Variants in COLGALT2 observed in about 807,000 individuals in gnomAD.
COLGALT2 encodes collagen beta(1-O)galactosyltransferase 2.
In COLGALT2, 49 loss-of-function variants were observed where a neutral mutation model predicts 73.4. The observed-to-expected ratio is 0.67, with a 90% confidence interval of 0.53 to 0.85. The LOEUF (loss-of-function observed/expected upper bound fraction) is 0.85, where lower values mean the gene tolerates loss of function less well. Ranked by LOEUF, COLGALT2 falls within the 40% of genes least tolerant of loss-of-function variation. COLGALT2 has a pLI of 0.00. For missense variants in COLGALT2, 722 were observed against 790.2 expected (o/e 0.91, Z 1.03); for synonymous variants, 295 against 307.6 (o/e 0.96, Z 0.43).
intron 7 of COLGALT2, among the ~76,000 whole-genome samples, chr1:183,954,486 T>C (rs1170788083): frequency 6.6e-6 from 1 of 152,250 alleles, no homozygotes; most frequent in Admixed American, 6.5e-5. Flanking sequence ...AATATCACAA[T>C]ATCTGCTCCT....
chr1:183,947,333 AT>A (rs1670279455), intron 8 of COLGALT2, among the ~76,000 whole-genome samples: 1 of 152,202 alleles, frequency 6.6e-6, no homozygotes, highest in Admixed American at 6.5e-5. Flanking sequence ...AAGAAATACC[AT>A]TTTTTAGACC....
intron 6 of COLGALT2, among the ~76,000 whole-genome samples, chr1:183,958,825 T>A (rs1385016682): frequency 1.3e-5 from 2 of 151,324 alleles, no homozygotes; most frequent in Admixed American, 6.6e-5. Context: ...TGGATCCTTG[T>A]GACTGGCATA....
At chr1:184,017,113 G>C (rs1273382607) in intron 1 of COLGALT2, among the ~76,000 whole-genome samples, 5 of 152,210 alleles carry the variant, frequency 3.3e-5, no homozygotes, top group African/African-American at 1.2e-4. Flanking sequence ...GTGCTGTAAT[G>C]TATAAAATGT....
At chr1:183,953,050 G>C (rs1670442497) in intron 7 of COLGALT2, among the ~76,000 whole-genome samples, 1 of 152,194 alleles carries the variant, frequency 6.6e-6, no homozygotes, top group African/African-American at 2.4e-5. Context: ...CCCAAAAACA[G>C]AGACCTCCAG....
intron 1 of COLGALT2, among the ~76,000 whole-genome samples, chr1:183,997,901 G>C (rs1202814520): frequency 6.6e-6 from 1 of 152,128 alleles, no homozygotes; most frequent in African/African-American, 2.4e-5. Context: ...ATAATTTAGT[G>C]ATCTATTTGA....
intron 2 of COLGALT2, 50 bp from the exon 3 acceptor site, chr1:183,975,264 GCT>G: frequency 1.7e-6 from 2 of 1,147,870 alleles, no homozygotes; most frequent in Non-Finnish European, 2.6e-6. Flanking sequence ...CATGTACCAG[GCT>G]CTGTCCTAAA....
chr1:183,973,257 T>C (rs974384265), intron 4 of COLGALT2, among the ~76,000 whole-genome samples: 1 of 152,146 alleles, frequency 6.6e-6, no homozygotes, highest in African/African-American at 2.4e-5. Context: ...GTCTTGTTGG[T>C]TTTCTTTTAA....
intron 7 of COLGALT2, among the ~76,000 whole-genome samples, chr1:183,953,586 C>CTACAGT (rs1191811249): frequency 2.0e-5 from 3 of 152,160 alleles, no homozygotes; most frequent in African/African-American, 7.2e-5. Context: ...GCTACAGTAA[C>CTACAGT]ATGTGGAAGC....
chr1:183,946,553 G>A (rs988463041), intron 8 of COLGALT2: 2 of 152,134 alleles, frequency 1.3e-5, no homozygotes, highest in Admixed American at 1.3e-4. Flanking sequence ...ACAACCATGT[G>A]GTATCTATAA....
intron 1 of COLGALT2, among the ~76,000 whole-genome samples, chr1:184,036,007 G>A (rs1053007889): frequency 6.6e-6 from 1 of 152,070 alleles, no homozygotes; most frequent in Non-Finnish European, 1.5e-5. Flanking sequence ...TCCTCTCTTT[G>A]CCCAACCGCT....
At position 184,037,479 on chromosome 1, in the gene COLGALT2, C is replaced by T; in HGVS notation, c.-122G>A. 8.5e-7 allele frequency: 1 copy of T among 1,183,074 alleles called. No homozygotes were observed. The highest frequency in any genetic ancestry group is 1.0e-6 in the Non-Finnish European group (1 of 958,292). 73.3% of individuals were successfully genotyped at this position (1,183,074 alleles called of 1,614,324 possible). On this transcript the variant is annotated 5_prime_UTR_variant, in exon 1 of 12. Coordinates refer to ENST00000361927, the MANE Select transcript of COLGALT2 (RefSeq NM_015101.4). ...AGGGGCGGCCGGGGGATGCGGCTTG[C>T]CGCGGCCGGCCGGCTCACACACTGG...
At chr1:183,965,014 G>A (rs1290068199) in intron 5 of COLGALT2, among the ~76,000 whole-genome samples, 1 of 152,196 alleles carries the variant, frequency 6.6e-6, no homozygotes, top group African/African-American at 2.4e-5. Context: ...TACATCATCT[G>A]TCAAATCAGG....
At chr1:184,026,342 T>C (rs985802904) in intron 1 of COLGALT2, among the ~76,000 whole-genome samples, 9 of 152,134 alleles carry the variant, frequency 5.9e-5, no homozygotes, top group Non-Finnish European at 1.2e-4. Flanking sequence ...ATAAAGTGGA[T>C]GCATAAACTT....
chr1:183,962,167 T>C (rs1670726831), intron 6 of COLGALT2, among the ~76,000 whole-genome samples: 1 of 135,654 alleles, frequency 7.4e-6, no homozygotes, highest in African/African-American at 2.8e-5. Context: ...TTTTTTTTTT[T>C]TTTTTTTTTT....
In COLGALT2 at chr1:183,935,948, A is replaced by T. The variant is rs1264840396; in HGVS notation, c.*2813T>A. 2 of 985,172 alleles carry T rather than the reference A, an allele frequency of 2.0e-6. No individual in the cohort carries two copies. The highest frequency in any genetic ancestry group is 2.4e-6 in the Non-Finnish European group (2 of 829,928). 61.0% of individuals were successfully genotyped at this position (985,172 alleles called of 1,614,324 possible). A position where few individuals can be genotyped will look rare whatever the true frequency, so the allele number is the denominator to read the frequency against. Reference sequence around the variant, plus strand: ...AGATGATGCAGGGGAACGGGTGTCCACTCTTTCTTGTTCTCAGAGCTCCTG... The same window carrying T: ...AGATGATGCAGGGGAACGGGTGTCCTCTCTTTCTTGTTCTCAGAGCTCCTG... On this transcript the variant is annotated 3_prime_UTR_variant, in exon 12 of 12. Transcript: ENST00000361927.
At chr1:183,974,934 T>C (rs529848453) in intron 3 of COLGALT2, among the ~76,000 whole-genome samples, 163 bp downstream of exon 3, 180 of 152,286 alleles carry the variant, frequency 1.2e-3, no homozygotes, top group African/African-American at 4.2e-3. Flanking sequence ...GGTAGCCCAA[T>C]TTTAAACTAC....
chr1:184,008,781 C>T (rs1335483856), intron 1 of COLGALT2, among the ~76,000 whole-genome samples: 1 of 152,072 alleles, frequency 6.6e-6, no homozygotes, highest in Admixed American at 6.6e-5. Context: ...AACTGAACTA[C>T]AGATATGTAA....
intron 1 of COLGALT2, among the ~76,000 whole-genome samples, chr1:184,022,356 A>G (rs1649204209): frequency 6.6e-6 from 1 of 152,228 alleles, no homozygotes; most frequent in Admixed American, 6.5e-5. Flanking sequence ...CATGTGTTGG[A>G]AACTTGATCC....
chr1:184,013,387 C>T (rs1391905254), intron 1 of COLGALT2, among the ~76,000 whole-genome samples: 1 of 152,162 alleles, frequency 6.6e-6, no homozygotes, highest in African/African-American at 2.4e-5. Context: ...GCCCAGATTT[C>T]AATACCTGCA....
Sources: allele counts gnomAD v4.1 joint callset (sites outside exome capture counted in the v4.1 genomes callset), GRCh38; gene constraint gnomAD v4.1.1; transcripts MANE v1.5; gene names NCBI Gene and HGNC (gene_info 2026-07-23, HGNC 2026-07-21).